Variants in ATP8B1 observed in about 807,000 individuals in gnomAD.
ATP8B1 encodes the protein phospholipid-transporting ATPase IC.
Under a neutral mutation model 149.9 loss-of-function variants are expected in ATP8B1, and 80 were observed. The ratio of observed to expected loss-of-function variants is 0.53; its 90% CI spans 0.45 to 0.64. The LOEUF is 0.64. Among genes scored for constraint, ATP8B1 ranks in the 30% least tolerant of loss-of-function variants. ATP8B1 has a pLI of 0.00. For missense variants in ATP8B1, 1,247 were observed against 1,552.6 expected, an observed-to-expected ratio of 0.80 and a Z score of 3.31; for synonymous variants, 536 against 562.8, an observed-to-expected ratio of 0.95 and a Z score of 0.67.
chr18:57,775,647 T>G (rs2080300225), intron 1 of ATP8B1, among the ~76,000 whole-genome samples: 1 of 150,804 alleles, frequency 6.6e-6, no homozygotes, highest in African/African-American at 2.4e-5. Context: ...GCCATGTTTT[T>G]TTTTTTTTTT....
At chr18:57,792,533 C>T (rs538886740) in intron 1 of ATP8B1, among the ~76,000 whole-genome samples, 72 of 152,160 alleles carry the variant, frequency 4.7e-4, no homozygotes, top group African/African-American at 1.6e-3. Flanking sequence ...ACATAAAATG[C>T]CCGGAATCGG....
intron 6 of ATP8B1, among the ~76,000 whole-genome samples, chr18:57,700,239 A>T (rs1568201997): frequency 6.6e-6 from 1 of 150,768 alleles, no homozygotes; most frequent in Non-Finnish European, 1.5e-5. Context: ...GATAAGCCAA[A>T]TTTTTTTTTT....
chr18:57,687,448 T>C (rs578076599), intron 13 of ATP8B1, among the ~76,000 whole-genome samples: 1 of 152,372 alleles, frequency 6.6e-6, no homozygotes, highest in East Asian at 1.9e-4. Flanking sequence ...TATATCCTAC[T>C]GCTCAAGGTC....
chr18:57,652,565 C>G lies in ATP8B1; in HGVS notation c.3180G>C (p.Gly1060=), dbSNP rs759303818. 13 of 1,613,994 alleles carry G rather than the reference C, an allele frequency of 8.1e-6. No individual in the cohort carries two copies. The Admixed American group carries it at 2.2e-4, about 27-fold the overall frequency. ...IPLGAYLQTV[G]QDGEAPSDYQ... The stretch of plus-strand genomic sequence containing the variant: ...AGTCGGAAGGTGCCTCTCCATCCTG[C>G]CCTACGGTTTGCAGATAAGCTCCAA... The change falls in exon 25 of 28, where the codon GGG becomes GGC. Residue 1060 remains glycine, a synonymous_variant. Coordinates refer to ENST00000648908, the MANE Select transcript of ATP8B1 (RefSeq NM_001374385.1).
chr18:57,796,234 G>A (rs1448560942), intron 1 of ATP8B1, among the ~76,000 whole-genome samples: 1 of 152,056 alleles, frequency 6.6e-6, no homozygotes. Context: ...AGATCATAAG[G>A]AACCTCTCCT....
intron 20 of ATP8B1, among the ~76,000 whole-genome samples, chr18:57,662,955 T>C (rs962401726): frequency 4.6e-5 from 7 of 152,134 alleles, no homozygotes; most frequent in Non-Finnish European, 7.4e-5. Flanking sequence ...GGTTTTGCCA[T>C]ATCCCGGGCT....
chr18:57,704,393 C>G (rs1362559433), intron 4 of ATP8B1, among the ~76,000 whole-genome samples, 162 bp downstream of exon 4: 1 of 152,186 alleles, frequency 6.6e-6, no homozygotes, highest in Non-Finnish European at 1.5e-5. Context: ...TCATATAACA[C>G]TGATTGAGCT....
chr18:57,698,938 G>A (rs1184921119), intron 6 of ATP8B1, among the ~76,000 whole-genome samples: 1 of 152,060 alleles, frequency 6.6e-6, no homozygotes, highest in East Asian at 1.9e-4. Flanking sequence ...ATGTGTGTAG[G>A]TGTCTCATCT....
intron 20 of ATP8B1, among the ~76,000 whole-genome samples, chr18:57,664,504 A>G: frequency 6.7e-6 from 1 of 150,116 alleles, no homozygotes; most frequent in Admixed American, 6.6e-5. Context: ...TTTCTAAGAA[A>G]AAAAAAAAAA....
intron 1 of ATP8B1, among the ~76,000 whole-genome samples, chr18:57,795,237 AT>A (rs34409401): frequency 4.0e-5 from 6 of 148,540 alleles, no homozygotes; most frequent in Admixed American, 1.3e-4. Context: ...ACACACACAC[AT>A]TTTTTTTTTC....
intron 22 of ATP8B1, among the ~76,000 whole-genome samples, chr18:57,656,168 C>T (rs1300957539): frequency 6.6e-6 from 1 of 152,060 alleles, no homozygotes; most frequent in Non-Finnish European, 1.5e-5. Flanking sequence ...CTTCTGTAGA[C>T]CATCCAGAGC....
chr18:57,703,737 C>G (rs1011405738), intron 4 of ATP8B1, among the ~76,000 whole-genome samples: 1 of 152,078 alleles, frequency 6.6e-6, no homozygotes, highest in African/African-American at 2.4e-5. Context: ...AACTCATGCT[C>G]TCTGGATAAC....
intron 1 of ATP8B1, among the ~76,000 whole-genome samples, chr18:57,800,092 A>G (rs911511999): frequency 2.6e-5 from 4 of 152,352 alleles, no homozygotes; most frequent in Non-Finnish European, 5.9e-5. Context: ...AGACACCACT[A>G]AGAAAAACTT....
At chr18:57,682,596 T>C (rs907127923) in intron 15 of ATP8B1, among the ~76,000 whole-genome samples, 9 of 152,198 alleles carry the variant, frequency 5.9e-5, no homozygotes, top group Admixed American at 2.6e-4. Flanking sequence ...TACTTTATGC[T>C]TATTGCCTGG....
At chr18:57,666,161 A>G (rs567255103) in intron 20 of ATP8B1, among the ~76,000 whole-genome samples, 7 of 152,312 alleles carry the variant, frequency 4.6e-5, no homozygotes, top group Non-Finnish European at 1.0e-4. Context: ...ATCTTGAGGA[A>G]CTGTCAGGCC....
intron 1 of ATP8B1, among the ~76,000 whole-genome samples, chr18:57,782,369 T>C (rs1485452612): frequency 6.6e-6 from 1 of 152,276 alleles, no homozygotes; most frequent in Non-Finnish European, 1.5e-5. Flanking sequence ...TTCAATCATT[T>C]TCCCCATAGG....
chr18:57,794,703 T>C (rs2080494081), intron 1 of ATP8B1, among the ~76,000 whole-genome samples: 1 of 151,924 alleles, frequency 6.6e-6, no homozygotes. Flanking sequence ...GAGAATCACT[T>C]GAACCTGGGA....
chr18:57,712,444 G>T (rs1266133146), intron 2 of ATP8B1, among the ~76,000 whole-genome samples: 3 of 152,172 alleles, frequency 2.0e-5, no homozygotes, highest in African/African-American at 7.2e-5. Context: ...CCAGACCATA[G>T]AGGGAGCATT....
Position 57,697,840 on chromosome 18 carries a change from A to T in ATP8B1, c.582T>A (p.Ile194=). The change falls in exon 7 of 28, where the codon ATT becomes ATA. Residue 194 remains isoleucine, a synonymous_variant. Coordinates refer to ENST00000648908, the MANE Select transcript of ATP8B1 (RefSeq NM_001374385.1). ...GRFKVAKWKE[I]QVGDVIRLKK... The stretch of plus-strand genomic sequence containing the variant: ...TCAGACGAATGACGTCTCCAACTTG[A>T]ATTTCTTTCCACTTAGCAACTTTGA... The T allele has an allele frequency of 6.2e-7, 1 of 1,614,038 alleles. No individual in the cohort carries two copies. The highest frequency in any genetic ancestry group is 8.5e-7 in the Non-Finnish European group (1 of 1,179,940).
Sources: allele counts gnomAD v4.1 joint callset (sites outside exome capture counted in the v4.1 genomes callset), GRCh38; gene constraint gnomAD v4.1.1; transcripts MANE v1.5; gene names NCBI Gene and HGNC (gene_info 2026-07-23, HGNC 2026-07-21).